The following METTL15 variants were observed in gnomAD, a reference collection of about 807,000 sequenced individuals.
The protein encoded by METTL15 is 12S rRNA N(4)-cytidine methyltransferase METTL15.
Under a neutral mutation model 38.3 loss-of-function variants are expected in METTL15, and 34 were observed. That is an observed-to-expected ratio of 0.89 (90% CI 0.68 to 1.18). The LOEUF is 1.18. Among genes scored for constraint, METTL15 ranks in the 50% most tolerant of loss-of-function variants. METTL15 has a pLI of 0.00. For missense variants in METTL15, 438 were observed against 498.4 expected, an observed-to-expected ratio of 0.88 and a Z score of 1.15; for synonymous variants, 162 against 170.9, an observed-to-expected ratio of 0.95 and a Z score of 0.41.
intron 6 of METTL15, among the ~76,000 whole-genome samples, chr11:28,485,278 T>C (rs558065371): frequency 6.6e-6 from 1 of 152,302 alleles, no homozygotes; most frequent in East Asian, 1.9e-4. Flanking sequence ...TTAATTATAA[T>C]GTCAGGATGC....
Position 28,312,484 on chromosome 11 carries a change from G to A in METTL15, c.778+15553G>A, listed in dbSNP as rs150244144. ...GTAGGACATAAAAGTTGTTGACTTCGTCTGTATACTCCTTTGATGAAAAAT... is the reference window on the plus strand; with the variant it reads ...GTAGGACATAAAAGTTGTTGACTTCATCTGTATACTCCTTTGATGAAAAAT... On this transcript the variant is annotated intron_variant, in intron 6 of 6. Transcript: ENST00000407364. Among the ~76,000 whole-genome samples, 507 of 152,254 alleles carry A rather than the reference G, an allele frequency of 3.3e-3. 2 individuals carry two copies. Among genetic ancestry groups the A allele is most frequent in the African/African-American group, 0.012 (492 of 41,544 alleles).
intron 6 of METTL15, among the ~76,000 whole-genome samples, chr11:28,482,412 G>T (rs1167593078): frequency 6.6e-6 from 1 of 152,190 alleles, no homozygotes; most frequent in Non-Finnish European, 1.5e-5. Flanking sequence ...ATTATATAGG[G>T]GTTATATCTT....
chr11:28,409,430 T>G (rs1012053588), intron 5 of METTL15, among the ~76,000 whole-genome samples: 3 of 148,606 alleles, frequency 2.0e-5, no homozygotes, highest in Non-Finnish European at 4.5e-5. Flanking sequence ...ATATGTAATA[T>G]GGTTTCTGAT....
chr11:28,278,971 C>T (rs1275517258), intron 4 of METTL15, among the ~76,000 whole-genome samples: 1 of 152,122 alleles, frequency 6.6e-6, no homozygotes, highest in Non-Finnish European at 1.5e-5. Flanking sequence ...GGACCACAGG[C>T]ACACACCACC....
At chr11:28,302,615 C>T (rs1425935308) in intron 6 of METTL15, among the ~76,000 whole-genome samples, 1 of 152,150 alleles carries the variant, frequency 6.6e-6, no homozygotes, top group African/African-American at 2.4e-5. Flanking sequence ...ATTGTGAGGC[C>T]TCTCCAGCCA....
intron 3 of METTL15, among the ~76,000 whole-genome samples, chr11:28,350,715 T>C (rs996844522): frequency 6.6e-6 from 1 of 152,186 alleles, no homozygotes; most frequent in Non-Finnish European, 1.5e-5. Context: ...ATAAATATAA[T>C]TCAAAAATTG....
chr11:28,172,391 C>T (rs1252701661), intron 3 of METTL15, among the ~76,000 whole-genome samples: 1 of 152,096 alleles, frequency 6.6e-6, no homozygotes, highest in South Asian at 2.1e-4. Context: ...AATACGGCAA[C>T]TTAGCTTCAA....
intron 6 of METTL15, among the ~76,000 whole-genome samples, chr11:28,461,674 G>A (rs1405727623): frequency 6.6e-6 from 1 of 151,948 alleles, no homozygotes; most frequent in East Asian, 1.9e-4. Flanking sequence ...AACTATTTTT[G>A]CTTTCTACTT....
intron 5 of METTL15, among the ~76,000 whole-genome samples, chr11:28,394,643 G>A (rs374670015): frequency 2.6e-5 from 4 of 152,138 alleles, no homozygotes; most frequent in African/African-American, 9.6e-5. Flanking sequence ...TTTATCTTAT[G>A]ACAAGATTCT....
intron 5 of METTL15, among the ~76,000 whole-genome samples, chr11:28,370,969 T>C (rs1850237680): frequency 6.6e-6 from 1 of 152,096 alleles, no homozygotes; most frequent in Non-Finnish European, 1.5e-5. Flanking sequence ...GTCAATTGAA[T>C]AATTTGCAGT....
At chr11:28,134,741 A>G in intron 3 of METTL15, 1 of 395,530 alleles carries the variant, frequency 2.5e-6, no homozygotes, top group East Asian at 3.6e-5. Context: ...AAAAGGAACA[A>G]TTCGGGTTAT....
chr11:28,423,366 A>G (rs187657599), intron 5 of METTL15, among the ~76,000 whole-genome samples: 5 of 152,150 alleles, frequency 3.3e-5, no homozygotes, highest in Non-Finnish European at 5.9e-5. Context: ...CCAAAAAAAG[A>G]AAATCAATGT....
intron 5 of METTL15, among the ~76,000 whole-genome samples, chr11:28,386,636 A>C (rs1219177488): frequency 8.5e-5 from 13 of 152,054 alleles, no homozygotes; most frequent in Non-Finnish European, 1.6e-4. Context: ...AGGATACTCT[A>C]CTTTCAGTAG....
At chr11:28,134,872 C>T (rs1849464835) in intron 3 of METTL15, among the ~76,000 whole-genome samples, 1 of 152,154 alleles carries the variant, frequency 6.6e-6, no homozygotes. Context: ...GATTTGGGTG[C>T]ATGGGGCTTG....
intron 4 of METTL15, among the ~76,000 whole-genome samples, chr11:28,352,806 A>T (rs1384067842): frequency 6.6e-6 from 1 of 152,224 alleles, no homozygotes; most frequent in Non-Finnish European, 1.5e-5. Flanking sequence ...AGGCAACAGC[A>T]AAAACTGACA....
intron 3 of METTL15, among the ~76,000 whole-genome samples, chr11:28,162,182 A>G (rs188200913): frequency 6.9e-4 from 105 of 152,178 alleles, no homozygotes; most frequent in African/African-American, 2.3e-3. Flanking sequence ...TAGAGTTTGG[A>G]TAGAGGTTCA....
At chr11:28,392,748 A>G (rs183868427) in intron 5 of METTL15, among the ~76,000 whole-genome samples, 231 of 152,264 alleles carry the variant, frequency 1.5e-3, no homozygotes, top group African/African-American at 5.4e-3. Flanking sequence ...TTTGCAAACC[A>G]CATTGTTTGA....
At chr11:28,171,460 A>G (rs1850854924) in intron 3 of METTL15, among the ~76,000 whole-genome samples, 1 of 152,140 alleles carries the variant, frequency 6.6e-6, no homozygotes, top group Non-Finnish European at 1.5e-5. Flanking sequence ...TCTTAATGTA[A>G]TTTTTTAAAA....
chr11:28,219,632 A>G (rs1853092123), intron 4 of METTL15, among the ~76,000 whole-genome samples: 1 of 151,954 alleles, frequency 6.6e-6, no homozygotes, highest in African/African-American at 2.4e-5. Flanking sequence ...TTGCTTCTCT[A>G]GTTCTTTTAA....
Sources: allele counts gnomAD v4.1 joint callset (sites outside exome capture counted in the v4.1 genomes callset), GRCh38; gene constraint gnomAD v4.1.1; transcripts MANE v1.5; gene names NCBI Gene and HGNC (gene_info 2026-07-23, HGNC 2026-07-21).